The following DAAM1 variants were observed in gnomAD, a reference collection of about 807,000 sequenced individuals.
The protein encoded by DAAM1 is dishevelled associated activator of morphogenesis 1, also known as disheveled-associated activator of morphogenesis 1.
A neutral mutation model predicts 130.0 loss-of-function variants in DAAM1; 52 were observed. The observed-to-expected ratio is 0.40, with a 90% CI of 0.32 to 0.50. The LOEUF (loss-of-function observed/expected upper bound fraction) is 0.50, where lower values mean the gene tolerates loss of function less well. DAAM1 is among the 20% of genes least tolerant of loss of function. The pLI, the probability that DAAM1 is intolerant of heterozygous loss-of-function variation, is 0.61. For missense variants in DAAM1, 1,134 were observed against 1,303.8 expected, an observed-to-expected ratio of 0.87 and a Z score of 2.01; for synonymous variants, 452 against 444.5, an observed-to-expected ratio of 1.02 and a Z score of -0.21.
chr14:59,356,941 G>T (rs1018529788), intron 20 of DAAM1, among the ~76,000 whole-genome samples: 3 of 152,162 alleles, frequency 2.0e-5, no homozygotes, highest in Non-Finnish European at 2.9e-5. Context: ...CTAGCAAAGT[G>T]CTTTGCCTGT....
chr14:59,234,558 C>T (rs1203510907), intron 1 of DAAM1, among the ~76,000 whole-genome samples: 1 of 152,132 alleles, frequency 6.6e-6, no homozygotes, highest in Non-Finnish European at 1.5e-5. Context: ...AATATACAAT[C>T]ATGTCATCTG....
At chr14:59,297,197 G>A (rs1332262679) in intron 3 of DAAM1, among the ~76,000 whole-genome samples, 4 of 152,176 alleles carry the variant, frequency 2.6e-5, no homozygotes, top group Non-Finnish European at 4.4e-5. Flanking sequence ...GCACAGCCAG[G>A]AACTTTGCTG....
chr14:59,364,249 G>A (rs2139689500), intron 23 of DAAM1, among the ~76,000 whole-genome samples: 1 of 152,156 alleles, frequency 6.6e-6, no homozygotes, highest in Admixed American at 6.5e-5. Flanking sequence ...CAGCCTTGGA[G>A]GACAGGATAC....
intron 22 of DAAM1, among the ~76,000 whole-genome samples, chr14:59,361,679 G>C (rs1335537293): frequency 2.0e-5 from 3 of 152,180 alleles, no homozygotes; most frequent in African/African-American, 7.2e-5. Flanking sequence ...AGTGCCCTGC[G>C]GGTACTCTGC....
At chr14:59,336,301 A>G (rs1035014684) in intron 15 of DAAM1, among the ~76,000 whole-genome samples, 5 of 152,228 alleles carry the variant, frequency 3.3e-5, no homozygotes, top group African/African-American at 1.2e-4. Flanking sequence ...CTTCCTATTT[A>G]TACTCCAAGC....
At chr14:59,223,458 C>T (rs751391476) in intron 1 of DAAM1, among the ~76,000 whole-genome samples, 1 of 152,142 alleles carries the variant, frequency 6.6e-6, no homozygotes, top group African/African-American at 2.4e-5. Context: ...TCCTAAAAGC[C>T]GGTGCTGCAA....
chr14:59,340,300 C>T (rs71416040), intron 16 of DAAM1, 120 bp downstream of exon 16: 2 of 865,634 alleles, frequency 2.3e-6, no homozygotes, highest in East Asian at 2.7e-5. Context: ...TCTTTGGATC[C>T]CCTTCTGTTA....
intron 24 of DAAM1, 113 bp downstream of exon 24, chr14:59,367,712 C>T (rs1886975284): frequency 1.4e-6 from 2 of 1,389,274 alleles, no homozygotes; most frequent in African/African-American, 1.5e-5. Context: ...CTTCAATGTA[C>T]TCTCTAGAAT....
chr14:59,283,606 C>G lies in DAAM1; in HGVS notation c.184-7611C>G, dbSNP rs139296150. On this transcript the variant is annotated intron_variant, in intron 2 of 24. Coordinates refer to ENST00000360909, the MANE Select transcript of DAAM1 (RefSeq NM_001270520.2). The stretch of plus-strand genomic sequence containing the variant: ...GAAATAACAACAGTACAGTTGCCAC[C>G]TCTGTGTCAGGCATTACTGCATGCT... Among the ~76,000 whole-genome samples the G allele has an allele frequency of 3.0e-4, 45 of 152,248 alleles. No homozygotes were observed. The East Asian group carries it at 7.9e-3, about 27-fold the overall frequency.
At chr14:59,271,768 T>G (rs1248558902) in intron 2 of DAAM1, among the ~76,000 whole-genome samples, 1 of 152,218 alleles carries the variant, frequency 6.6e-6, no homozygotes, top group Non-Finnish European at 1.5e-5. Context: ...TTAAGCTGCC[T>G]TTAATAATAA....
intron 1 of DAAM1, among the ~76,000 whole-genome samples, chr14:59,245,819 T>C (rs1881344298): frequency 6.6e-6 from 1 of 152,170 alleles, no homozygotes; most frequent in Admixed American, 6.5e-5. Context: ...GAACAGATTG[T>C]TTTCATTTTG....
At chr14:59,325,782 T>A in intron 9 of DAAM1, 52 bp downstream of exon 9, 1 of 1,592,634 alleles carries the variant, frequency 6.3e-7, no homozygotes, top group Non-Finnish European at 8.6e-7. Flanking sequence ...ACATTATTTC[T>A]GTCTGTAATG....
At chr14:59,280,843 G>C (rs61531727) in intron 2 of DAAM1, among the ~76,000 whole-genome samples, 1 of 152,244 alleles carries the variant, frequency 6.6e-6, no homozygotes, top group East Asian at 1.9e-4. Context: ...CAAACTTTCA[G>C]AAGTTGGCAA....
chr14:59,328,327 A>G (rs1332055624), intron 12 of DAAM1, among the ~76,000 whole-genome samples: 1 of 152,270 alleles, frequency 6.6e-6, no homozygotes, highest in Non-Finnish European at 1.5e-5. Context: ...TGCTACAAAA[A>G]TGATAGAAAC....
chr14:59,363,371 T>A, intron 22 of DAAM1: 1 of 268,466 alleles, frequency 3.7e-6, no homozygotes, highest in Admixed American at 5.0e-5. Context: ...CAAATGCAAA[T>A]CTGCTTGCTT....
intron 16 of DAAM1, among the ~76,000 whole-genome samples, chr14:59,340,968 T>G (rs1197645742): frequency 6.6e-6 from 1 of 152,226 alleles, no homozygotes; most frequent in East Asian, 1.9e-4. Flanking sequence ...GAAGGAATGT[T>G]GTATATGCAT....
At chr14:59,192,381 A>G (rs1035612635) in intron 1 of DAAM1, among the ~76,000 whole-genome samples, 1 of 152,196 alleles carries the variant, frequency 6.6e-6, no homozygotes, top group Non-Finnish European at 1.5e-5. Context: ...GTTGGACCAG[A>G]GGAAACATGC....
chr14:59,192,909 C>T (rs966480800), intron 1 of DAAM1, among the ~76,000 whole-genome samples: 9 of 152,102 alleles, frequency 5.9e-5, no homozygotes, highest in East Asian at 3.9e-4. Flanking sequence ...AAAAATTAGC[C>T]GGGTGTGGTG....
chr14:59,191,596 C>G (rs554755014), intron 1 of DAAM1, among the ~76,000 whole-genome samples: 1 of 152,226 alleles, frequency 6.6e-6, no homozygotes, highest in East Asian at 1.9e-4. Flanking sequence ...AAAAGGCCTT[C>G]TATGTATTTG....
Sources: allele counts gnomAD v4.1 joint callset (sites outside exome capture counted in the v4.1 genomes callset), GRCh38; gene constraint gnomAD v4.1.1; transcripts MANE v1.5; gene names NCBI Gene and HGNC (gene_info 2026-07-23, HGNC 2026-07-21).